Variants in MACROD2 observed in about 807,000 individuals in gnomAD.
MACROD2 encodes mono-ADP ribosylhydrolase 2.
Under a neutral mutation model 70.4 loss-of-function variants are expected in MACROD2, and 36 were observed. The ratio of observed to expected loss-of-function variants is 0.51; its 90% CI spans 0.39 to 0.68. The LOEUF is 0.68. Among genes scored for constraint, MACROD2 ranks in the 30% least tolerant of loss-of-function variants. MACROD2 has a pLI of 0.00. For missense variants in MACROD2, 496 were observed against 538.4 expected (o/e 0.92, Z 0.78); for synonymous variants, 172 against 178.8 (o/e 0.96, Z 0.30).
In MACROD2 at chr20:14,398,951, A is replaced by G. The variant is rs1043143322; in HGVS notation, c.272-94528A>G. ...ATACCATTCCTTTAGATTTCTTATA[A>G]TGTAGTTCTGTTGGAAGTAAACCCA... is the stretch of plus-strand genomic sequence containing the variant. On this transcript the variant is annotated intron_variant, in intron 3 of 17. Transcript: ENST00000684519. Among the ~76,000 whole-genome samples the G allele has an allele frequency of 3.3e-5, 5 of 151,644 alleles. No homozygotes were observed. In the East Asian group the frequency reaches 9.7e-4, roughly 29 times the overall value.
intron 7 of MACROD2, among the ~76,000 whole-genome samples, chr20:15,491,964 G>A (rs536617454): frequency 6.6e-6 from 1 of 152,300 alleles, no homozygotes; most frequent in South Asian, 2.1e-4. Flanking sequence ...CAAAACAGCT[G>A]CAACTCCACT....
At chr20:14,037,811 A>T (rs1338576419) in intron 2 of MACROD2, among the ~76,000 whole-genome samples, 1 of 151,358 alleles carries the variant, frequency 6.6e-6, no homozygotes, top group East Asian at 2.0e-4. Flanking sequence ...TTGAGCCCAG[A>T]ATTTCCACAC....
chr20:15,309,461 G>A (rs1363453472), intron 6 of MACROD2, among the ~76,000 whole-genome samples: 1 of 152,204 alleles, frequency 6.6e-6, no homozygotes, highest in African/African-American at 2.4e-5. Flanking sequence ...GTGTTGCTGA[G>A]TAGGAGAAAT....
At chr20:14,893,054 C>T (rs1054578322) in intron 5 of MACROD2, 2 of 152,216 alleles carry the variant, frequency 1.3e-5, no homozygotes, top group African/African-American at 2.4e-5. Flanking sequence ...CAATAGTTAC[C>T]TTTTGTGACT....
At chr20:14,009,468 C>T (rs1459621758) in intron 2 of MACROD2, among the ~76,000 whole-genome samples, 1 of 152,080 alleles carries the variant, frequency 6.6e-6, no homozygotes, top group African/African-American at 2.4e-5. Flanking sequence ...AGTCAAAGAA[C>T]AACAGATGCT....
At chr20:14,723,856 C>G (rs1189035985) in intron 5 of MACROD2, among the ~76,000 whole-genome samples, 1 of 151,918 alleles carries the variant, frequency 6.6e-6, no homozygotes, top group Non-Finnish European at 1.5e-5. Flanking sequence ...TGAACATGAC[C>G]ACTCTTCTAG....
intron 4 of MACROD2, among the ~76,000 whole-genome samples, chr20:14,519,200 T>C (rs1213761364): frequency 6.6e-6 from 1 of 152,142 alleles, no homozygotes; most frequent in Non-Finnish European, 1.5e-5. Flanking sequence ...AAACTTTCTC[T>C]TCTGCTTGAA....
Position 14,831,783 on chromosome 20 carries a change from A to AAG in MACROD2, c.418+146825_418+146826insGA, listed in dbSNP as rs1302454351. Among the ~76,000 whole-genome samples, 139 of 128,990 alleles carry AAG rather than the reference A, an allele frequency of 1.1e-3. 2 individuals are homozygous for AAG. The highest frequency in any genetic ancestry group is 4.7e-3 in the African/African-American group (130 of 27,438). 84.6% of individuals were successfully genotyped at this position (128,990 alleles called of 152,430 possible). A position where few individuals can be genotyped will look rare whatever the true frequency, so the allele number is the denominator to read the frequency against. On this transcript the variant is annotated intron_variant, in intron 5 of 17. Coordinates refer to ENST00000684519, the MANE Select transcript of MACROD2 (RefSeq NM_001351661.2). ...TGACAAGAGTGAAACTCCGTCTCAA[A>AAG]AAAAAAAAAAAAAAAAAAAAAAAAG...
intron 5 of MACROD2, among the ~76,000 whole-genome samples, chr20:14,770,559 T>G (rs2072151799): frequency 6.6e-6 from 1 of 152,114 alleles, no homozygotes; most frequent in Admixed American, 6.6e-5. Context: ...TTTCATTTGC[T>G]TTTTGAACCA....
chr20:15,357,687 G>A (rs1199905766), intron 6 of MACROD2, among the ~76,000 whole-genome samples: 1 of 151,720 alleles, frequency 6.6e-6, no homozygotes, highest in Non-Finnish European at 1.5e-5. Flanking sequence ...ACAACACTTG[G>A]ATAAACATAG....
chr20:14,615,591 T>C (rs1305740456), intron 4 of MACROD2, among the ~76,000 whole-genome samples: 2 of 151,962 alleles, frequency 1.3e-5, no homozygotes, highest in Non-Finnish European at 2.9e-5. Context: ...TGGGGAGGTA[T>C]GAAGTATAGA....
chr20:15,280,236 C>T (rs987676804), intron 6 of MACROD2, among the ~76,000 whole-genome samples: 1 of 152,040 alleles, frequency 6.6e-6, no homozygotes, highest in Admixed American at 6.6e-5. Context: ...TGTTTCAGCA[C>T]TGCGTGGTAC....
At chr20:15,670,599 A>G (rs2049966840) in intron 8 of MACROD2, among the ~76,000 whole-genome samples, 1 of 152,220 alleles carries the variant, frequency 6.6e-6, no homozygotes, top group African/African-American at 2.4e-5. Flanking sequence ...GACATTTTTT[A>G]TAACTTGTGT....
intron 5 of MACROD2, among the ~76,000 whole-genome samples, chr20:14,698,289 A>G (rs1007185128): frequency 1.3e-5 from 2 of 152,288 alleles, no homozygotes; most frequent in East Asian, 1.9e-4. Context: ...GAAGCCCAAC[A>G]TTCTAGGCTC....
chr20:14,739,550 G>A (rs1011850704), intron 5 of MACROD2, among the ~76,000 whole-genome samples: 1 of 150,830 alleles, frequency 6.6e-6, no homozygotes, highest in African/African-American at 2.4e-5. Flanking sequence ...ACAAACAAAG[G>A]TATTATCTAC....
chr20:14,082,168 TTTTTTTTTC>T (rs1187702912), intron 2 of MACROD2, among the ~76,000 whole-genome samples: 6 of 64,530 alleles, frequency 9.3e-5, no homozygotes, highest in Non-Finnish European at 1.4e-4. Context: ...CATACCTTTC[TTTTTTTTTC>T]TTTTTTTTTT....
chr20:14,811,583 A>G (rs2072711470), intron 5 of MACROD2, among the ~76,000 whole-genome samples: 1 of 152,182 alleles, frequency 6.6e-6, no homozygotes. Context: ...GACAAATGGG[A>G]TCTAATTGAA....
At chr20:15,311,654 G>A (rs6079741) in intron 6 of MACROD2, among the ~76,000 whole-genome samples, 2 of 152,192 alleles carry the variant, frequency 1.3e-5, no homozygotes. Context: ...GGAGCTGGAG[G>A]TGATTATCCT....
intron 3 of MACROD2, among the ~76,000 whole-genome samples, chr20:14,342,433 T>C (rs535386265): frequency 1.3e-5 from 2 of 152,338 alleles, no homozygotes; most frequent in African/African-American, 4.8e-5. Flanking sequence ...CTCTCAAGTC[T>C]AGCCCAGATT....
Sources: allele counts gnomAD v4.1 joint callset (sites outside exome capture counted in the v4.1 genomes callset), GRCh38; gene constraint gnomAD v4.1.1; transcripts MANE v1.5; gene names NCBI Gene and HGNC (gene_info 2026-07-23, HGNC 2026-07-21).